Variants in AP4S1 observed in about 807,000 individuals in gnomAD.
AP4S1 encodes adaptor related protein complex 4 subunit sigma 1, also known as AP-4 complex subunit sigma-1.
A neutral mutation model predicts 19.8 loss-of-function variants in AP4S1; 23 were observed. The observed-to-expected ratio is 1.16, with a 90% CI of 0.84 to 1.65. The LOEUF is 1.65. AP4S1 is among the 40% of genes most tolerant of loss of function. AP4S1 has a pLI of 0.00. For synonymous variants in AP4S1, 46 were observed against 54.1 expected, an observed-to-expected ratio of 0.85 and a Z score of 0.66; for missense variants, 166 against 172.8, an observed-to-expected ratio of 0.96 and a Z score of 0.22.
intron 4 of AP4S1, among the ~76,000 whole-genome samples, chr14:31,074,367 A>ATAAATAAG (rs59441565): frequency 3.2e-4 from 41 of 129,224 alleles, no homozygotes; most frequent in Middle Eastern, 7.6e-3. Context: ...AAATAAATAA[A>ATAAATAAG]GTAAGCTGGG....
intron 3 of AP4S1, among the ~76,000 whole-genome samples, chr14:31,070,742 G>T (rs182016296): frequency 7.9e-5 from 12 of 152,280 alleles, no homozygotes; most frequent in African/African-American, 2.9e-4. Flanking sequence ...TATAGAGGCC[G>T]ACTGATTTTG....
At position 31,056,786 on chromosome 14, in the gene AP4S1, A is replaced by T. The variant is rs140633989; in HGVS notation, c.-71-9340A>T. On this transcript the variant is annotated intron_variant, in intron 1 of 5. Coordinates refer to ENST00000542754, the MANE Select transcript of AP4S1 (RefSeq NM_001128126.3). ...CTGAAGTTAATGCTCATTAAGCTCAAGTGAACATTTGGCTGGGCACAATGT... is the reference window on the plus strand; with the variant it reads ...CTGAAGTTAATGCTCATTAAGCTCATGTGAACATTTGGCTGGGCACAATGT... Among the ~76,000 whole-genome samples the T allele has an allele frequency of 2.4e-3, 360 of 152,344 alleles. 2 individuals are homozygous for T. The highest frequency in any genetic ancestry group is 7.8e-3 in the African/African-American group (324 of 41,580).
chr14:31,068,306 G>A (rs1886833701), intron 2 of AP4S1, among the ~76,000 whole-genome samples: 1 of 152,218 alleles, frequency 6.6e-6, no homozygotes, highest in Non-Finnish European at 1.5e-5. Context: ...AATTTTGTCA[G>A]TTCTCCATTT....
At position 31,032,587 on chromosome 14, in the gene AP4S1, G is replaced by A. The variant is rs904658703; in HGVS notation, c.-72+6800G>A. Among the ~76,000 whole-genome samples, 9 of 150,298 alleles carry A rather than the reference G, an allele frequency of 6.0e-5. No individual in the cohort carries two copies. In the East Asian group the frequency reaches 1.6e-3, roughly 26 times the overall value. ...TGCCCAAGCTGAGGTGCAGTGGTGC[G>A]ATCTCGGCTCACTGCAACCTCCACC... On this transcript the variant is annotated intron_variant, in intron 1 of 5. Coordinates refer to ENST00000542754, the MANE Select transcript of AP4S1 (RefSeq NM_001128126.3).
At chr14:31,060,598 C>T (rs1350119334) in intron 1 of AP4S1, among the ~76,000 whole-genome samples, 1 of 152,152 alleles carries the variant, frequency 6.6e-6, no homozygotes, top group South Asian at 2.1e-4. Context: ...TAAGCAATGC[C>T]TTCTCCTGTC....
At chr14:31,045,040 T>C (rs1885314783) in intron 1 of AP4S1, among the ~76,000 whole-genome samples, 1 of 151,920 alleles carries the variant, frequency 6.6e-6, no homozygotes. Context: ...TAGCTGGGAT[T>C]ACAGGAGTCC....
intron 1 of AP4S1, among the ~76,000 whole-genome samples, chr14:31,035,191 T>A (rs1884657583): frequency 7.6e-6 from 1 of 131,830 alleles, no homozygotes; most frequent in Non-Finnish European, 1.6e-5. Context: ...TAATGGTAAT[T>A]CCTTTTTTTT....
chr14:31,069,784 T>C lies in AP4S1; in HGVS notation c.139-59T>C. The C allele has an allele frequency of 3.9e-6, 5 of 1,292,670 alleles. No individual in the cohort carries two copies. In the South Asian group the frequency reaches 4.7e-5, roughly 12 times the overall value. 80.1% of individuals were successfully genotyped at this position (1,292,670 alleles called of 1,614,324 possible). ...AATCAGAACCTAGAACTTACGCATG[T>C]CATTTTAAAGAACTCTCTCTCAGCC... On this transcript the variant is annotated intron_variant, in intron 2 of 5. Coordinates refer to ENST00000542754, the MANE Select transcript of AP4S1 (RefSeq NM_001128126.3).
intron 1 of AP4S1, among the ~76,000 whole-genome samples, chr14:31,052,992 G>A (rs1159037089): frequency 2.8e-5 from 4 of 141,622 alleles, no homozygotes; most frequent in African/African-American, 1.1e-4. Context: ...CCAGGCTGGA[G>A]TGCAATGGCA....
chr14:31,074,814 T>G (rs895324588), intron 4 of AP4S1, among the ~76,000 whole-genome samples: 1 of 120,036 alleles, frequency 8.3e-6, no homozygotes, highest in Non-Finnish European at 1.9e-5. Context: ...CATTAGCATT[T>G]CCCCCTCATT....
Position 31,025,785 on chromosome 14 carries a change from C to T in AP4S1, c.-74C>T. 1 of 1,387,050 alleles carries T rather than the reference C, an allele frequency of 7.2e-7. No homozygotes were observed. Among genetic ancestry groups the T allele is most frequent in the Non-Finnish European group, 9.7e-7 (1 of 1,029,214 alleles). The allele number at this position is 1,387,050 out of a possible 1,614,324, so 85.9% of individuals were successfully genotyped here. On this transcript the variant is annotated splice_region_variant and 5_prime_UTR_variant, in exon 1 of 6. Transcript: ENST00000542754. The stretch of plus-strand genomic sequence containing the variant: ...GAGGACCATCACAACCTGAGCAGCA[C>T]AGGTAGGTTCCGCTCGGCCTCCCAA...
intron 2 of AP4S1, among the ~76,000 whole-genome samples, chr14:31,068,747 G>A (rs943024108): frequency 4.6e-5 from 7 of 152,002 alleles, no homozygotes; most frequent in African/African-American, 1.4e-4. Flanking sequence ...CTGGGCTTTT[G>A]GCATAATCAG....
At chr14:31,092,576 A>G (rs1012261036) in intron 5 of AP4S1, among the ~76,000 whole-genome samples, 1 of 152,116 alleles carries the variant, frequency 6.6e-6, no homozygotes, top group African/African-American at 2.4e-5. Context: ...AGACAACACT[A>G]TTTTTGAGTT....
At chr14:31,079,775 A>G (rs1349949600) in intron 4 of AP4S1, among the ~76,000 whole-genome samples, 1 of 152,150 alleles carries the variant, frequency 6.6e-6, no homozygotes, top group Non-Finnish European at 1.5e-5. Context: ...GTAATGAACC[A>G]AGATCATGCC....
At chr14:31,083,013 T>G (rs1254572493) in intron 5 of AP4S1, among the ~76,000 whole-genome samples, 1 of 152,300 alleles carries the variant, frequency 6.6e-6, no homozygotes, top group East Asian at 1.9e-4. Context: ...GAAGAGAGTC[T>G]TACAAGACTA....
At position 31,092,906 on chromosome 14, in the gene AP4S1, GATA is replaced by G. The variant is rs1566550766; in HGVS notation, c.309_311del (p.Ile103del). 2 of 1,517,266 alleles carry G rather than the reference GATA, an allele frequency of 1.3e-6. No individual in the cohort carries two copies. Among genetic ancestry groups the G allele is most frequent in the Non-Finnish European group, 8.8e-7 (1 of 1,130,308 alleles). 94.0% of individuals were successfully genotyped at this position (1,517,266 alleles called of 1,614,324 possible). On this transcript the variant is annotated inframe_deletion and splice_region_variant, in exon 6 of 6. Coordinates refer to ENST00000542754, the MANE Select transcript of AP4S1 (RefSeq NM_001128126.3). ...AACTAATTTCCTTAATATAACCGTAGATAATGTTTAATTTGGATAAAGTACACA... is the reference window on the plus strand; with the variant it reads ...AACTAATTTCCTTAATATAACCGTAGATGTTTAATTTGGATAAAGTACACA...
chr14:31,058,715 A>G (rs1268587661), intron 1 of AP4S1, among the ~76,000 whole-genome samples: 4 of 148,668 alleles, frequency 2.7e-5, no homozygotes, highest in Non-Finnish European at 5.9e-5. Context: ...CTATAGGTAC[A>G]CACCGCGATG....
At chr14:31,055,559 G>A (rs1413634879) in intron 1 of AP4S1, among the ~76,000 whole-genome samples, 2 of 152,306 alleles carry the variant, frequency 1.3e-5, no homozygotes, top group East Asian at 3.9e-4. Context: ...CCACTAAGTA[G>A]TAGAGCCAAG....
chr14:31,028,836 C>T (rs1417798705), intron 1 of AP4S1, among the ~76,000 whole-genome samples: 1 of 152,160 alleles, frequency 6.6e-6, no homozygotes, highest in Non-Finnish European at 1.5e-5. Flanking sequence ...GAGCCGACAT[C>T]ATGCCACTAC....
Sources: allele counts gnomAD v4.1 joint callset (sites outside exome capture counted in the v4.1 genomes callset), GRCh38; gene constraint gnomAD v4.1.1; transcripts MANE v1.5; gene names NCBI Gene and HGNC (gene_info 2026-07-23, HGNC 2026-07-21).